The following FBXO10 variants were observed in gnomAD, a reference collection of about 807,000 sequenced individuals.
The protein encoded by FBXO10 is F-box only protein 10.
In FBXO10, 39 loss-of-function variants were observed where a neutral mutation model predicts 80.7. The ratio of observed to expected loss-of-function variants is 0.48; its 90% confidence interval spans 0.37 to 0.63. The LOEUF is 0.63. Ranked by LOEUF, FBXO10 falls within the 30% of genes least tolerant of loss-of-function variation. The probability of loss-of-function intolerance (pLI) is 0.00; values close to 1 mark genes in which losing one functional copy is unlikely to be tolerated. For missense variants in FBXO10, 1,025 were observed against 1,269.0 expected (o/e 0.81, Z 2.92); for synonymous variants, 449 against 489.6 (o/e 0.92, Z 1.09).
At chr9:37,540,063 G>GATA (rs1025093563) in intron 2 of FBXO10, among the ~76,000 whole-genome samples, 1 of 152,136 alleles carries the variant, frequency 6.6e-6, no homozygotes, top group Non-Finnish European at 1.5e-5. Flanking sequence ...GAACCCATGA[G>GATA]ATAATGGCTA....
intron 1 of FBXO10, among the ~76,000 whole-genome samples, chr9:37,570,299 A>C (rs1187990433): frequency 3.9e-5 from 6 of 151,958 alleles, no homozygotes; most frequent in Non-Finnish European, 8.8e-5. Flanking sequence ...GGGCAACAAG[A>C]GTGAAAGTCT....
intron 1 of FBXO10, among the ~76,000 whole-genome samples, chr9:37,550,520 G>GACCA (rs1822173245): frequency 6.9e-6 from 1 of 144,556 alleles, no homozygotes; most frequent in Admixed American, 7.1e-5. Flanking sequence ...TCACTCTGTT[G>GACCA]CCCAGGCTGG....
rs182960599 is a variant in FBXO10, at chr9:37,515,601, T to C, written c.2696+303A>G. The C allele has an allele frequency of 2.3e-3, 588 of 254,932 alleles. 3 individuals are homozygous for C. Among genetic ancestry groups the C allele is most frequent in the Non-Finnish European group, 2.2e-3 (296 of 134,956 alleles). 15.8% of individuals were successfully genotyped at this position (254,932 alleles called of 1,614,324 possible). On this transcript the variant is annotated intron_variant, in intron 10 of 10. Transcript: ENST00000432825. ...GATTCAGCCAGATAGTGTGATCTTATTAAATGGATTTTACTAAGGCTCGAA... is the reference window on the plus strand; with the variant it reads ...GATTCAGCCAGATAGTGTGATCTTACTAAATGGATTTTACTAAGGCTCGAA...
At chr9:37,517,505 T>G (rs1372015984) in intron 9 of FBXO10, among the ~76,000 whole-genome samples, 1 of 137,100 alleles carries the variant, frequency 7.3e-6, no homozygotes, top group African/African-American at 3.2e-5. Flanking sequence ...AAGGAAGAGA[T>G]ACCAAGCCCT....
intron 1 of FBXO10, among the ~76,000 whole-genome samples, chr9:37,575,227 C>G (rs1201807992): frequency 6.6e-6 from 1 of 152,014 alleles, no homozygotes; most frequent in Admixed American, 6.6e-5. Context: ...ATGTTCCCAT[C>G]CAGCCTGACT....
At chr9:37,536,996 G>T in intron 3 of FBXO10, 114 bp downstream of exon 3, 1 of 752,482 alleles carries the variant, frequency 1.3e-6, no homozygotes, top group Non-Finnish European at 2.2e-6. Flanking sequence ...ATGACGTCAA[G>T]CGTGCGTGAA....
intron 1 of FBXO10, among the ~76,000 whole-genome samples, chr9:37,558,961 C>T (rs567585386): frequency 1.3e-5 from 2 of 152,128 alleles, no homozygotes; most frequent in Non-Finnish European, 2.9e-5. Context: ...CAGACGCGCA[C>T]CACCACGCCC....
chr9:37,521,505 GA>G (rs200246523), intron 8 of FBXO10, 63 bp downstream of exon 8: 404 of 1,382,568 alleles, frequency 2.9e-4, no homozygotes, highest in East Asian at 6.3e-4. Flanking sequence ...TTAAATTGGA[GA>G]AAAAAAAAGA....
intron 7 of FBXO10, 89 bp from the exon 8 acceptor site, chr9:37,521,927 G>T: frequency 7.1e-7 from 1 of 1,401,894 alleles, no homozygotes; most frequent in Non-Finnish European, 9.4e-7. Flanking sequence ...AAAGCCACTG[G>T]CCTGGGAGAG....
Position 37,537,221 on chromosome 9 carries a change from G to A in FBXO10, c.1308C>T (p.Leu436=), listed in dbSNP as rs775744890. Residue 436 remains leucine (L), a synonymous_variant, in exon 3 of 11, where the codon CTC becomes CTT. Transcript: ENST00000432825. The stretch of plus-strand genomic sequence containing the variant: ...AGACGCCTCCCTTCCCGTCCCGGAA[G>A]AGGCACTTGCGGATGAGGCAGCCCT... The part of the protein sequence containing the change: ...SVQGCLIRKC[L]FRDGKGGVFV... 9 of 1,613,950 alleles carry A rather than the reference G, an allele frequency of 5.6e-6. No homozygotes were observed. The highest frequency in any genetic ancestry group is 1.1e-5 in the South Asian group (1 of 91,086).
chr9:37,560,450 A>AACTT (rs1293124321), intron 1 of FBXO10, among the ~76,000 whole-genome samples: 5 of 151,994 alleles, frequency 3.3e-5, no homozygotes, highest in African/African-American at 9.7e-5. Context: ...TTTTCCCCCA[A>AACTT]ACTTGCCTGT....
In FBXO10 at chr9:37,546,326, T is replaced by A. The variant is rs1340139167; in HGVS notation, c.-6-4552A>T. Among the ~76,000 whole-genome samples, 5 of 149,068 alleles carry A rather than the reference T, an allele frequency of 3.4e-5. No homozygotes were observed. The East Asian group carries it at 9.9e-4, about 30-fold the overall frequency. On this transcript the variant is annotated intron_variant, in intron 1 of 10. Transcript: ENST00000432825. ...GTGCTGCTGAAGAGGCTGGCATTTG[T>A]GAGGCAAGGTACCAGAATAAAGTGA...
chr9:37,537,510 A>C lies in FBXO10; in HGVS notation c.1019T>G (p.Val340Gly). Residue 340 changes from valine to glycine, a missense_variant, in exon 3 of 11, where the codon GTG (valine) becomes GGG (glycine). Around this residue, in one of 3 missense-constraint regions of FBXO10, gnomAD observed 450 missense variants for 499.4 expected, o/e 0.90. Coordinates refer to ENST00000432825, the MANE Select transcript of FBXO10 (RefSeq NM_012166.3). ...GGCCACCCTTTCACCATCACTACCC[A>C]CCTCTGCCTCCTGTGAGCCAGCCTT... ...GSKAGSQEAE[V>G]GSDGERVAQT... 1 of 1,611,470 alleles carries C rather than the reference A, an allele frequency of 6.2e-7. No individual in the cohort carries two copies. The highest frequency in any genetic ancestry group is 8.5e-7 in the Non-Finnish European group (1 of 1,178,960).
In FBXO10 at chr9:37,512,481, G is replaced by A; in HGVS notation, c.*66C>T. ...AGGGGGAGGGGCGGAGTCTTTTCAG[G>A]CAGTATTTCCACCTTAGCTCCTCTG... On this transcript the variant is annotated 3_prime_UTR_variant, in exon 11 of 11. Transcript: ENST00000432825. 1 of 1,538,514 alleles carries A rather than the reference G, an allele frequency of 6.5e-7. No homozygotes were observed. Among genetic ancestry groups the A allele is most frequent in the South Asian group, 1.2e-5 (1 of 80,902 alleles).
intron 2 of FBXO10, among the ~76,000 whole-genome samples, chr9:37,540,313 G>A (rs1290283460): frequency 2.0e-5 from 3 of 151,728 alleles, no homozygotes. Flanking sequence ...TCAGCCTCCC[G>A]AGTAGCTGGG....
In FBXO10 at chr9:37,518,402, T is replaced by A. The variant is rs752828824; in HGVS notation, c.2237A>T (p.His746Leu). 4 of 1,611,634 alleles carry A rather than the reference T, an allele frequency of 2.5e-6. No homozygotes were observed. Among genetic ancestry groups the A allele is most frequent in the Non-Finnish European group, 3.4e-6 (4 of 1,178,360 alleles). ...CGCGTGGATCACATTGGTGATGACA[T>A]GCAGTGCCTCGCTGCTCTGGACATA... ...GLYVQSSEAL[H>L]VITNVIHANG... is the part of the protein sequence containing the mutation. The change falls in exon 9 of 11, where the codon CAT becomes CTT. Residue 746 changes from histidine (H) to leucine (L), a missense_variant. His to Leu is a moderately conservative substitution (Grantham distance 99). Transcript: ENST00000432825.
intron 5 of FBXO10, among the ~76,000 whole-genome samples, chr9:37,527,279 A>T (rs1365009307): frequency 6.6e-6 from 1 of 152,198 alleles, no homozygotes. Flanking sequence ...CAAATCTGCA[A>T]AGTTCCTCTT....
chr9:37,531,886 A>C, intron 4 of FBXO10, 23 bp downstream of exon 4: 1 of 1,610,868 alleles, frequency 6.2e-7, no homozygotes, highest in Non-Finnish European at 8.5e-7. Context: ...AGTCACCCTG[A>C]ATAGGGAACG....
At chr9:37,534,713 G>A (rs1821712826) in intron 3 of FBXO10, among the ~76,000 whole-genome samples, 1 of 152,188 alleles carries the variant, frequency 6.6e-6, no homozygotes. Context: ...GCACCCTCCT[G>A]ACGCAGGCTG....
Sources: allele counts gnomAD v4.1 joint callset (sites outside exome capture counted in the v4.1 genomes callset), GRCh38; gene constraint gnomAD v4.1.1; regional missense constraint gnomAD v4.1.1; transcripts MANE v1.5; gene names NCBI Gene and HGNC (gene_info 2026-07-23, HGNC 2026-07-21).